SVIL: variants seen among roughly 807,000 people sequenced by gnomAD.
SVIL encodes the protein supervillin.
In SVIL, 101 loss-of-function variants were observed where a neutral mutation model predicts 240.4. That is an observed-to-expected ratio of 0.42 (90% CI 0.36 to 0.50). The LOEUF (loss-of-function observed/expected upper bound fraction) is 0.50. SVIL is among the 20% of genes least tolerant of loss of function. SVIL has a pLI of 0.01. For missense variants in SVIL, 2,512 were observed against 2,818.7 expected (o/e 0.89, Z 2.46); for synonymous variants, 999 against 1,100.0 (o/e 0.91, Z 1.82).
chr10:29,717,232 C>CAAAAAAAAAAAAAAAA, intron 1 of SVIL, among the ~76,000 whole-genome samples: 1 of 38,298 alleles, frequency 2.6e-5, no homozygotes, highest in Non-Finnish European at 4.6e-5. Flanking sequence ...GACTCTCTCT[C>CAAAAAAAAAAAAAAAA]AAAAAAAAAA....
At chr10:29,595,865 A>C (rs1956564142) in intron 1 of SVIL, among the ~76,000 whole-genome samples, 1 of 152,164 alleles carries the variant, frequency 6.6e-6, no homozygotes, top group South Asian at 2.1e-4. Context: ...GGCCCTAGGG[A>C]AACAGTAGCT....
At chr10:29,491,283 T>C (rs1159638338) in intron 21 of SVIL, among the ~76,000 whole-genome samples, 1 of 152,086 alleles carries the variant, frequency 6.6e-6, no homozygotes, top group African/African-American at 2.4e-5. Context: ...TGTGGAGTAC[T>C]TCCGGGCAGC....
At chr10:29,530,098 T>C (rs988626761) in intron 11 of SVIL, among the ~76,000 whole-genome samples, 7 of 152,212 alleles carry the variant, frequency 4.6e-5, no homozygotes, top group African/African-American at 1.7e-4. Context: ...CACTTGAGCC[T>C]GGGAAGTTGA....
chr10:29,731,157 C>T (rs1352277397), intron 1 of SVIL, among the ~76,000 whole-genome samples: 1 of 137,970 alleles, frequency 7.2e-6, no homozygotes, highest in Admixed American at 7.3e-5. Context: ...GGTGCTGCCT[C>T]TGCTCTAGCC....
At chr10:29,533,916 A>G (rs114740702) in intron 7 of SVIL, among the ~76,000 whole-genome samples, 1 of 152,150 alleles carries the variant, frequency 6.6e-6, no homozygotes, top group Admixed American at 6.5e-5. Flanking sequence ...CTGTAATTTC[A>G]TTGTCGTCTG....
At chr10:29,482,121 TG>T (rs34247070) in intron 27 of SVIL, among the ~76,000 whole-genome samples, 1 of 151,398 alleles carries the variant, frequency 6.6e-6, no homozygotes, top group Non-Finnish European at 1.5e-5. Context: ...CTTGAACTCC[TG>T]GGCTGCAGTG....
rs200598926 is a variant in SVIL, at chr10:29,628,914, TG to T, written c.-201+5505del. Among the ~76,000 whole-genome samples, 1,443 of 152,200 alleles carry T rather than the reference TG, an allele frequency of 9.5e-3. 27 individuals carry two copies. The highest frequency in any genetic ancestry group is 0.033 in the African/African-American group (1,354 of 41,532). ...CAAGATCACAGCAGGGTGTGGATGC[TG>T]AGTATGGAGGTCAGAGCCCCATCAC... is the stretch of plus-strand genomic sequence containing the variant. On this transcript the variant is annotated intron_variant, in intron 1 of 37. Coordinates refer to ENST00000355867, the MANE Select transcript of SVIL (RefSeq NM_021738.3).
At chr10:29,501,623 A>T (rs1382858432) in intron 17 of SVIL, among the ~76,000 whole-genome samples, 2 of 152,206 alleles carry the variant, frequency 1.3e-5, no homozygotes, top group Non-Finnish European at 2.9e-5. Flanking sequence ...AAACCTGAAC[A>T]TTTCCCCTCG....
chr10:29,563,358 G>A, intron 2 of SVIL, 66 bp from the exon 3 acceptor site: 1 of 741,526 alleles, frequency 1.3e-6, no homozygotes, highest in Non-Finnish European at 1.6e-6. Flanking sequence ...AAAAAATGCA[G>A]AACACAAAAA....
At chr10:29,666,956 T>C (rs980451723) in intron 2 of SVIL, among the ~76,000 whole-genome samples, 1 of 152,042 alleles carries the variant, frequency 6.6e-6, no homozygotes, top group Non-Finnish European at 1.5e-5. Context: ...ATTAGCAGCA[T>C]GAGAAAAGAC....
At chr10:29,535,627 C>T (rs375572267) in intron 7 of SVIL, among the ~76,000 whole-genome samples, 17 of 152,146 alleles carry the variant, frequency 1.1e-4, no homozygotes, top group African/African-American at 3.4e-4. Context: ...GCAGATGGGA[C>T]GCCGGCTAGC....
chr10:29,636,237 T>C (rs1958307512), upstream of SVIL, among the ~76,000 whole-genome samples: 1 of 152,124 alleles, frequency 6.6e-6, no homozygotes, highest in African/African-American at 2.4e-5. Context: ...CATTTTAAAG[T>C]TTATTTGATC....
intron 1 of SVIL, among the ~76,000 whole-genome samples, chr10:29,616,504 A>G (rs1368402027): frequency 6.6e-6 from 1 of 152,204 alleles, no homozygotes; most frequent in Non-Finnish European, 1.5e-5. Flanking sequence ...CAGTAATCTG[A>G]TATTAGGATT....
chr10:29,483,485 G>C (rs1027595293), intron 27 of SVIL: 3 of 152,212 alleles, frequency 2.0e-5, no homozygotes, highest in African/African-American at 7.2e-5. Flanking sequence ...GGGCTGGGCT[G>C]AGCAAATGCA....
intron 1 of SVIL, among the ~76,000 whole-genome samples, chr10:29,582,731 C>CTAATAATAATAATAATAA (rs61441935): frequency 4.8e-4 from 69 of 142,806 alleles, no homozygotes; most frequent in African/African-American, 1.3e-3. Flanking sequence ...GACCCTGTCT[C>CTAATAATAATAATAATAA]TAATAATAAT....
chr10:29,671,123 A>G (rs1959740765), intron 2 of SVIL: 1 of 152,194 alleles, frequency 6.6e-6, no homozygotes, highest in Non-Finnish European at 1.5e-5. Context: ...AAAATGTTTC[A>G]ATCCAGCTGG....
intron 16 of SVIL, among the ~76,000 whole-genome samples, chr10:29,515,258 C>T (rs918530912): frequency 6.6e-6 from 1 of 152,178 alleles, no homozygotes; most frequent in Non-Finnish European, 1.5e-5. Flanking sequence ...CTGCATGCTA[C>T]AAGAGCTAGT....
chr10:29,473,942 C>T lies in SVIL; in HGVS notation c.5425G>A (p.Glu1809Lys), dbSNP rs372410326. 1.6e-5 allele frequency: 26 copies of T among 1,614,074 alleles called. No homozygotes were observed. The highest frequency in any genetic ancestry group is 2.1e-5 in the Non-Finnish European group (25 of 1,180,028). The change falls in exon 30 of 38, where the codon GAG becomes AAG. Residue 1809 changes from glutamate to lysine, a missense_variant. Physicochemically the swap from Glu to Lys is moderately conservative, Grantham distance 56. Around this residue, in one of 3 missense-constraint regions of SVIL, gnomAD observed 797 missense variants for 925.3 expected, o/e 0.86. Transcript: ENST00000355867. ...TGCCAGAAGAAGTAGACGCACTTCT[C>T]TTTGCCGGCTGCCCTCACCGAGTGC... is the stretch of plus-strand genomic sequence containing the variant. ...GEHSVRAAGKEKCVYFFWQGR... is the reference protein window; with the variant it reads ...GEHSVRAAGKKKCVYFFWQGR...
At chr10:29,510,297 A>C (rs2132481114) in intron 17 of SVIL, among the ~76,000 whole-genome samples, 1 of 152,360 alleles carries the variant, frequency 6.6e-6, no homozygotes, top group East Asian at 1.9e-4. Context: ...CAAAACAGTT[A>C]CAGATTTTTC....
Sources: allele counts gnomAD v4.1 joint callset (sites outside exome capture counted in the v4.1 genomes callset), GRCh38; gene constraint gnomAD v4.1.1; regional missense constraint gnomAD v4.1.1; transcripts MANE v1.5; gene names NCBI Gene and HGNC (gene_info 2026-07-23, HGNC 2026-07-21).